NOBOX: variants seen among roughly 807,000 people sequenced by gnomAD.
NOBOX encodes homeobox protein NOBOX.
In NOBOX, 46 loss-of-function variants were observed where a neutral mutation model predicts 60.2. That is an observed-to-expected ratio of 0.76 (90% confidence interval 0.60 to 0.98). NOBOX has a LOEUF of 0.98. Ranked by LOEUF, NOBOX falls within the 50% of genes least tolerant of loss-of-function variation. NOBOX has a pLI of 0.00. For missense variants in NOBOX, 880 were observed against 865.5 expected, an observed-to-expected ratio of 1.02 and a Z score of -0.21; for synonymous variants, 360 against 346.3, an observed-to-expected ratio of 1.04 and a Z score of -0.44.
At position 144,397,569 on chromosome 7, in the gene NOBOX, C is replaced by A. The variant is rs1018844082; in HGVS notation, c.1775-28G>T. Reference sequence around the variant, plus strand: ...GTGGGGTCGGAGGGTGTAGGAATTACCAGACAGGATGGAGAGTATCAACTA... The same window carrying A: ...GTGGGGTCGGAGGGTGTAGGAATTAACAGACAGGATGGAGAGTATCAACTA... On this transcript the variant is annotated intron_variant, in intron 9 of 9. Coordinates refer to ENST00000467773, the MANE Select transcript of NOBOX (RefSeq NM_001080413.3). 8 of 1,479,346 alleles carry A rather than the reference C, an allele frequency of 5.4e-6. No homozygotes were observed. In the African/African-American group the frequency reaches 1.1e-4, roughly 21 times the overall value. 91.6% of individuals were successfully genotyped at this position (1,479,346 alleles called of 1,614,324 possible).
Position 144,399,096 on chromosome 7 carries a change from T to A in NOBOX, c.1323A>T (p.Pro441=). The A allele has an allele frequency of 2.5e-6, 2 of 805,846 alleles. No individual in the cohort carries two copies. Among genetic ancestry groups the A allele is most frequent in the Non-Finnish European group, 3.7e-6 (2 of 534,498 alleles). The allele number at this position is 805,846 out of a possible 1,614,324, so 49.9% of individuals were successfully genotyped here. A position where few individuals can be genotyped will look rare whatever the true frequency, so the allele number is the denominator to read the frequency against. The change falls in exon 8 of 10, where the codon CCA becomes CCT. Residue 441 remains proline, a synonymous_variant. Transcript: ENST00000467773. ...TTCGCACAGGTGGGGGGCTGAAGAG[T>A]GGGGGGGTCACCACCCTCTGAGCAC...
intron 2 of NOBOX, among the ~76,000 whole-genome samples, chr7:144,404,228 T>C (rs2053967543): frequency 6.6e-6 from 1 of 152,166 alleles, no homozygotes; most frequent in Non-Finnish European, 1.5e-5. Context: ...ATTAAGGAGC[T>C]TCAAAGTCCC....
chr7:144,408,278 C>T (rs1445521878), intron 1 of NOBOX, among the ~76,000 whole-genome samples: 1 of 151,418 alleles, frequency 6.6e-6, no homozygotes, highest in African/African-American at 2.4e-5. Flanking sequence ...ACTCATCCTC[C>T]AAAACCCAAC....
chr7:144,410,138 C>CGTG lies in NOBOX; in HGVS notation c.85+4_85+5insCAC. On this transcript the variant is annotated splice_donor_region_variant and intron_variant, in intron 1 of 9. Coordinates refer to ENST00000467773, the MANE Select transcript of NOBOX (RefSeq NM_001080413.3). ...TTTGCTGTTGCTTCCAGGACATGAG[C>CGTG]TCACCCTCCTGGGCTTTGAAGCCAT... The CGTG allele has an allele frequency of 1.3e-6, 2 of 1,552,188 alleles. No individual in the cohort carries two copies. Among genetic ancestry groups the CGTG allele is most frequent in the African/African-American group, 2.7e-5 (2 of 73,666 alleles).
rs767702371 is a variant in NOBOX, at chr7:144,399,097, G to T, written c.1322C>A (p.Pro441Gln). The change falls in exon 8 of 10, where the codon CCA becomes CAA. Residue 441 changes from proline to glutamine, a missense_variant. Physicochemically the swap from Pro to Gln is moderately conservative, Grantham distance 76 (BLOSUM62 -1). Coordinates refer to ENST00000467773, the MANE Select transcript of NOBOX (RefSeq NM_001080413.3). ...TCGCACAGGTGGGGGGCTGAAGAGT[G>T]GGGGGGTCACCACCCTCTGAGCACC... 3.1e-5 allele frequency: 38 copies of T among 1,229,310 alleles called. No homozygotes were observed. Among genetic ancestry groups the T allele is most frequent in the Middle Eastern group, 1.9e-4 (1 of 5,260 alleles). 76.2% of individuals were successfully genotyped at this position (1,229,310 alleles called of 1,614,324 possible).
At chr7:144,403,681 C>T (rs1563130236) in intron 2 of NOBOX, 2 of 699,106 alleles carry the variant, frequency 2.9e-6, no homozygotes, top group Non-Finnish European at 5.2e-6. Context: ...CAGGGATTCT[C>T]TGTGGGTTCC....
intron 5 of NOBOX, 57 bp from the exon 4 acceptor site, chr7:144,399,920 G>A (rs942093737): frequency 6.3e-6 from 9 of 1,436,962 alleles, no homozygotes; most frequent in Admixed American, 1.9e-5. Flanking sequence ...CTGAGGCTTA[G>A]GTCCTGGCTG....
chr7:144,405,564 A>G (rs935388463), intron 1 of NOBOX, among the ~76,000 whole-genome samples: 2 of 152,202 alleles, frequency 1.3e-5, no homozygotes, highest in Non-Finnish European at 2.9e-5. Flanking sequence ...AGTTTACCAC[A>G]TCACAGTCCC....
chr7:144,402,722 G>A lies in NOBOX; in HGVS notation c.211-772C>T, dbSNP rs117111454. Among the ~76,000 whole-genome samples, 672 of 148,686 alleles carry A rather than the reference G, an allele frequency of 4.5e-3. 5 individuals carry two copies. Among genetic ancestry groups the A allele is most frequent in the Non-Finnish European group, 7.3e-3 (490 of 67,328 alleles). ...AGCTACTGTTACTTTAATGAAAATT[G>A]CATGAGATAGGTCTTAAGGAATAAC... is the stretch of plus-strand genomic sequence containing the variant. On this transcript the variant is annotated intron_variant, in intron 2 of 9. Transcript: ENST00000467773.
chr7:144,410,190 T>G lies in NOBOX; in HGVS notation c.38A>C (p.Glu13Ala), dbSNP rs754575284. The stretch of plus-strand genomic sequence containing the variant: ...CTTGTCTCTGGTGTCCCAGGTACCC[T>G]CCAGGTCTGGTGATGTTAGTGTCAA... The change falls in exon 1 of 10, where the codon GAG becomes GCG. Residue 13 changes from glutamate to alanine, a missense_variant. Physicochemically the swap from Glu to Ala is moderately radical, Grantham distance 107. Coordinates refer to ENST00000467773, the MANE Select transcript of NOBOX (RefSeq NM_001080413.3). 3 of 1,571,390 alleles carry G rather than the reference T, an allele frequency of 1.9e-6. No individual in the cohort carries two copies. The African/African-American group carries it at 4.0e-5, about 21-fold the overall frequency.
chr7:144,401,369 G>C lies in NOBOX; in HGVS notation c.521C>G (p.Ala174Gly), dbSNP rs745781248. The change falls in exon 4 of 10, where the codon GCC becomes GGC. Residue 174 changes from alanine (A) to glycine (G), a missense_variant. Coordinates refer to ENST00000467773, the MANE Select transcript of NOBOX (RefSeq NM_001080413.3). The surrounding 1 kb of genome is among the most constrained non-coding windows in gnomAD (Gnocchi z 4.2). ...CCCCTGAGTCTGGGGCCTGGAGCGG[G>C]CTAGAGTTCTGTCTTTGTGGGGAGC... The C allele has an allele frequency of 6.2e-7, 1 of 1,613,802 alleles. No homozygotes were observed. The highest frequency in any genetic ancestry group is 8.5e-7 in the Non-Finnish European group (1 of 1,179,832).
At chr7:144,399,666 C>T in intron 6 of NOBOX, 91 bp downstream of exon 4, 1 of 1,229,846 alleles carries the variant, frequency 8.1e-7, no homozygotes, top group Non-Finnish European at 1.2e-6. Context: ...CATGCCTAGC[C>T]TTCCAATGGT....
intron 2 of NOBOX, chr7:144,402,007 C>A: frequency 7.6e-7 from 1 of 1,310,424 alleles, no homozygotes; most frequent in South Asian, 1.2e-5. Flanking sequence ...CTGCTTCTCC[C>A]AAGGCGGGAT....
At chr7:144,408,838 C>T (rs1005294024) in intron 1 of NOBOX, among the ~76,000 whole-genome samples, 2 of 152,110 alleles carry the variant, frequency 1.3e-5, no homozygotes, top group South Asian at 4.1e-4. Context: ...GTGATGGAAC[C>T]GTTCTGAATC....
At position 144,397,647 on chromosome 7, in the gene NOBOX, C is replaced by T. The variant is rs117762920; in HGVS notation, c.1775-106G>A. 6.7e-4 allele frequency: 638 copies of T among 956,232 alleles called. 1 individual carries two copies. In the East Asian group the frequency reaches 0.012, roughly 18 times the overall value. The allele number at this position is 956,232 out of a possible 1,614,324, so 59.2% of individuals were successfully genotyped here. A position where few individuals can be genotyped will look rare whatever the true frequency, so the allele number is the denominator to read the frequency against. ...CCCCGTGCCCCAACACACATAGACG[C>T]AGCTTAGGACCTCAGTGTAAGTCTG... On this transcript the variant is annotated intron_variant, in intron 9 of 9. Transcript: ENST00000467773.
In NOBOX at chr7:144,401,176, G is replaced by T. The variant is rs1228108103; in HGVS notation, c.714C>A (p.Gly238=). Residue 238 remains glycine, a synonymous_variant, in exon 4 of 10, where the codon GGC becomes GGA. Transcript: ENST00000467773. The surrounding 1 kb of genome is among the most constrained non-coding windows in gnomAD (Gnocchi z 4.2). ...GATTGGCCAGGTGGCAGGGCCCCCG[G>T]CCTGACCCACAGGGCACTGGGTTGT... The T allele has an allele frequency of 6.2e-7, 1 of 1,613,370 alleles. No individual in the cohort carries two copies. The highest frequency in any genetic ancestry group is 1.7e-5 in the Admixed American group (1 of 59,968).
Position 144,399,088 on chromosome 7 carries a change from C to A in NOBOX, c.1331G>T (p.Ser444Ile). 8.0e-7 allele frequency: 1 copy of A among 1,242,878 alleles called. No homozygotes were observed. Among genetic ancestry groups the A allele is most frequent in the Non-Finnish European group, 1.2e-6 (1 of 863,636 alleles). 77.0% of individuals were successfully genotyped at this position (1,242,878 alleles called of 1,614,324 possible). The stretch of plus-strand genomic sequence containing the variant: ...ATCGGCCCTTCGCACAGGTGGGGGG[C>A]TGAAGAGTGGGGGGGTCACCACCCT... The change falls in exon 8 of 10, where the codon AGC (serine) becomes ATC (isoleucine). Residue 444 changes from serine to isoleucine, a missense_variant. Physicochemically the swap from Ser to Ile is moderately radical, Grantham distance 142. Transcript: ENST00000467773.
At chr7:144,407,148 TA>T (rs5888132) in intron 1 of NOBOX, among the ~76,000 whole-genome samples, 86,374 of 150,566 alleles carry the variant, frequency 0.57, 25,060 homozygotes, top group South Asian at 0.83. Context: ...TGTCTGATAC[TA>T]AAAAAAAAAG....
chr7:144,397,145 G>T, downstream of NOBOX: 1 of 1,081,558 alleles, frequency 9.2e-7, no homozygotes, highest in Non-Finnish European at 1.3e-6. Flanking sequence ...AGTCTACAGA[G>T]TCCACACTCT....
Sources: allele counts gnomAD v4.1 joint callset (sites outside exome capture counted in the v4.1 genomes callset), GRCh38; gene constraint gnomAD v4.1.1; non-coding constraint Gnocchi (gnomAD v3.1); transcripts MANE v1.5; gene names NCBI Gene and HGNC (gene_info 2026-07-23, HGNC 2026-07-21).